MACROD2: variants seen among roughly 807,000 people sequenced by gnomAD.
The protein encoded by MACROD2 is ADP-ribose glycohydrolase MACROD2.
A neutral mutation model predicts 70.4 loss-of-function variants in MACROD2; 36 were observed. The observed-to-expected ratio is 0.51, with a 90% CI of 0.39 to 0.68. MACROD2 has a LOEUF of 0.68. Among genes scored for constraint, MACROD2 ranks in the 30% least tolerant of loss-of-function variants. The pLI is 0.00. For missense variants in MACROD2, 496 were observed against 538.4 expected (o/e 0.92, Z 0.78); for synonymous variants, 172 against 178.8 (o/e 0.96, Z 0.30).
chr20:14,500,121 A>G (rs563738865), intron 4 of MACROD2, among the ~76,000 whole-genome samples: 1 of 152,128 alleles, frequency 6.6e-6, no homozygotes, highest in South Asian at 2.1e-4. Flanking sequence ...TGTATTTCCT[A>G]CTCTTTGCTG....
chr20:15,096,149 C>T (rs1304563284), intron 5 of MACROD2, among the ~76,000 whole-genome samples: 4 of 151,970 alleles, frequency 2.6e-5, no homozygotes, highest in African/African-American at 4.8e-5. Flanking sequence ...CACTAGGCCA[C>T]GAATAATGGA....
chr20:15,379,202 TA>T (rs2045607237), intron 6 of MACROD2, among the ~76,000 whole-genome samples: 1 of 152,220 alleles, frequency 6.6e-6, no homozygotes. Flanking sequence ...ATAATGTTTA[TA>T]AATTACACAA....
chr20:14,190,144 A>C (rs2081372990), intron 3 of MACROD2, among the ~76,000 whole-genome samples: 1 of 152,158 alleles, frequency 6.6e-6, no homozygotes, highest in African/African-American at 2.4e-5. Context: ...AACTCTGTGG[A>C]CCTGGATATG....
intron 8 of MACROD2, among the ~76,000 whole-genome samples, chr20:15,810,085 A>G (rs1185553528): frequency 2.8e-5 from 4 of 144,116 alleles, no homozygotes; most frequent in Non-Finnish European, 6.0e-5. Context: ...TCATTGTTCA[A>G]TTCCCACCTA....
At chr20:14,209,272 T>G (rs999623152) in intron 3 of MACROD2, among the ~76,000 whole-genome samples, 2 of 152,162 alleles carry the variant, frequency 1.3e-5, no homozygotes, top group Admixed American at 6.5e-5. Flanking sequence ...CTGCCACTCA[T>G]TTTTGGTCAA....
intron 5 of MACROD2, among the ~76,000 whole-genome samples, chr20:14,735,953 T>C (rs1165763701): frequency 1.3e-5 from 2 of 152,160 alleles, no homozygotes; most frequent in South Asian, 2.1e-4. Context: ...TACCATATGA[T>C]CCAGCAATTC....
At chr20:15,146,816 G>A (rs977076711) in intron 5 of MACROD2, among the ~76,000 whole-genome samples, 1 of 152,228 alleles carries the variant, frequency 6.6e-6, no homozygotes, top group East Asian at 1.9e-4. Context: ...ATTCTGAGAT[G>A]CCAATTTCAT....
At chr20:14,525,836 A>T (rs745430413) in intron 4 of MACROD2, among the ~76,000 whole-genome samples, 1 of 152,164 alleles carries the variant, frequency 6.6e-6, no homozygotes, top group Non-Finnish European at 1.5e-5. Flanking sequence ...ATTCCCTTTG[A>T]TTTGGAGTTG....
chr20:15,410,053 A>T (rs1002207700), intron 6 of MACROD2, among the ~76,000 whole-genome samples: 1 of 151,972 alleles, frequency 6.6e-6, no homozygotes, highest in African/African-American at 2.4e-5. Context: ...CTTTTTCTTT[A>T]AAAAAAATCT....
chr20:15,444,027 T>C (rs1167679034), intron 7 of MACROD2, among the ~76,000 whole-genome samples: 1 of 152,182 alleles, frequency 6.6e-6, no homozygotes, highest in Non-Finnish European at 1.5e-5. Context: ...CATCATAATC[T>C]ATGTTCATCA....
At chr20:14,027,845 G>T (rs949385999) in intron 2 of MACROD2, among the ~76,000 whole-genome samples, 2 of 152,220 alleles carry the variant, frequency 1.3e-5, no homozygotes, top group Admixed American at 6.5e-5. Context: ...TGAGGTGTCT[G>T]TCGACCCCGG....
intron 3 of MACROD2, among the ~76,000 whole-genome samples, chr20:14,134,572 C>T (rs963769372): frequency 3.9e-5 from 6 of 151,970 alleles, no homozygotes; most frequent in African/African-American, 7.3e-5. Flanking sequence ...TTTGGGAGGC[C>T]GAGGCGGACA....
At chr20:14,565,581 T>C (rs1979746251) in intron 4 of MACROD2, among the ~76,000 whole-genome samples, 1 of 151,938 alleles carries the variant, frequency 6.6e-6, no homozygotes, top group Non-Finnish European at 1.5e-5. Context: ...GTTTCAATAG[T>C]TGGTTCTTAC....
At chr20:14,107,884 G>A (rs529034626) in intron 3 of MACROD2, among the ~76,000 whole-genome samples, 2 of 152,120 alleles carry the variant, frequency 1.3e-5, no homozygotes, top group South Asian at 4.1e-4. Flanking sequence ...CCTAAAGGGA[G>A]TTCTTCAGTC....
chr20:14,238,456 A>G (rs2122227128), intron 3 of MACROD2, among the ~76,000 whole-genome samples: 1 of 152,312 alleles, frequency 6.6e-6, no homozygotes, highest in South Asian at 2.1e-4. Context: ...ACATTTTACT[A>G]ATGAGCAAAA....
At chr20:14,819,863 A>C (rs1436763913) in intron 5 of MACROD2, among the ~76,000 whole-genome samples, 1 of 152,012 alleles carries the variant, frequency 6.6e-6, no homozygotes, top group African/African-American at 2.4e-5. Context: ...AGACAGAAGA[A>C]GCCGAGGAGA....
chr20:15,196,416 GAT>G (rs1466114761), intron 5 of MACROD2, among the ~76,000 whole-genome samples: 2 of 152,146 alleles, frequency 1.3e-5, no homozygotes, highest in Non-Finnish European at 2.9e-5. Context: ...GAGGAGCTAA[GAT>G]ATATGGCAAT....
chr20:14,570,507 A>G (rs1980117167), intron 4 of MACROD2, among the ~76,000 whole-genome samples: 2 of 151,980 alleles, frequency 1.3e-5, no homozygotes, highest in South Asian at 2.1e-4. Flanking sequence ...AAGAAGGAAG[A>G]AAAATCAGCT....
At chr20:15,377,555 C>T (rs536241661) in intron 6 of MACROD2, among the ~76,000 whole-genome samples, 4 of 152,064 alleles carry the variant, frequency 2.6e-5, no homozygotes, top group African/African-American at 7.3e-5. Flanking sequence ...TGTGTGAATT[C>T]GAACATTTAT....
Sources: gnomAD v4.1 joint callset for allele counts (sites outside exome capture counted in the v4.1 genomes callset) on GRCh38, gnomAD v4.1.1 for gene constraint, MANE v1.5 for transcripts, NCBI Gene and HGNC (gene_info 2026-07-23, HGNC 2026-07-21) for gene names.